The following FSTL5 variants were observed in gnomAD, a reference collection of about 807,000 sequenced individuals.
FSTL5 encodes the protein follistatin like 5, also known as follistatin-related protein 5.
In FSTL5, 62 loss-of-function variants were observed where a neutral mutation model predicts 89.1. The ratio of observed to expected loss-of-function variants is 0.70; its 90% confidence interval spans 0.57 to 0.86. FSTL5 has a LOEUF of 0.86. Ranked by LOEUF, FSTL5 falls within the 40% of genes least tolerant of loss-of-function variation. The probability of loss-of-function intolerance (pLI) is 0.00; values close to 1 mark genes in which losing one functional copy is unlikely to be tolerated. For synonymous variants in FSTL5, 383 were observed against 346.2 expected (o/e 1.11, Z -1.18); for missense variants, 1,057 against 1,001.6 (o/e 1.06, Z -0.75).
intron 15 of FSTL5, among the ~76,000 whole-genome samples, chr4:161,432,779 A>G (rs1645552374): frequency 6.6e-6 from 1 of 152,018 alleles, no homozygotes; most frequent in South Asian, 2.1e-4. Flanking sequence ...AATTCAAAGG[A>G]TCATTGGGGG....
chr4:162,145,591 G>C (rs2111495795), intron 1 of FSTL5, among the ~76,000 whole-genome samples: 1 of 152,126 alleles, frequency 6.6e-6, no homozygotes, highest in Non-Finnish European at 1.5e-5. Flanking sequence ...ATGGACATGA[G>C]GATATTCCAT....
At chr4:161,769,400 C>G (rs13118379) in intron 5 of FSTL5, among the ~76,000 whole-genome samples, 17 of 151,876 alleles carry the variant, frequency 1.1e-4, no homozygotes, top group Non-Finnish European at 2.2e-4. Context: ...AAACTATAGG[C>G]CAATATTCCT....
chr4:161,439,731 C>A (rs1346333172), intron 15 of FSTL5, among the ~76,000 whole-genome samples: 1 of 151,866 alleles, frequency 6.6e-6, no homozygotes, highest in Non-Finnish European at 1.5e-5. Context: ...CACACACACA[C>A]ACCCCACACG....
At chr4:162,030,062 C>T (rs1737460603) in intron 3 of FSTL5, among the ~76,000 whole-genome samples, 1 of 151,952 alleles carries the variant, frequency 6.6e-6, no homozygotes, top group Non-Finnish European at 1.5e-5. Context: ...CCACGCCTGG[C>T]TAATTTTTTA....
At chr4:161,475,483 G>T (rs958587443) in intron 13 of FSTL5, among the ~76,000 whole-genome samples, 2 of 151,922 alleles carry the variant, frequency 1.3e-5, no homozygotes, top group Admixed American at 6.6e-5. Flanking sequence ...TAATTCAATT[G>T]TCCTATCTTC....
chr4:161,593,027 A>G (rs990367046), intron 7 of FSTL5, among the ~76,000 whole-genome samples: 6 of 152,070 alleles, frequency 3.9e-5, no homozygotes, highest in Admixed American at 1.3e-4. Context: ...ACCTTCTAAG[A>G]GTTTTTTGTT....
At chr4:162,152,189 G>A (rs1733249751) in intron 1 of FSTL5, among the ~76,000 whole-genome samples, 1 of 152,084 alleles carries the variant, frequency 6.6e-6, no homozygotes, top group Non-Finnish European at 1.5e-5. Context: ...AGTTGCAGAG[G>A]GTATTAATTT....
At chr4:161,798,192 T>A (rs1729691119) in intron 4 of FSTL5, among the ~76,000 whole-genome samples, 1 of 151,738 alleles carries the variant, frequency 6.6e-6, no homozygotes, top group Non-Finnish European at 1.5e-5. Flanking sequence ...GAGCTAGAAT[T>A]TGAATTTAGG....
intron 2 of FSTL5, among the ~76,000 whole-genome samples, chr4:162,087,863 C>T (rs1245574953): frequency 6.6e-6 from 1 of 152,082 alleles, no homozygotes; most frequent in Non-Finnish European, 1.5e-5. Context: ...CAATGAGATA[C>T]ATTCAGTTGA....
At chr4:162,163,292 TA>T (rs1416465678) in intron 1 of FSTL5, among the ~76,000 whole-genome samples, 1 of 152,008 alleles carries the variant, frequency 6.6e-6, no homozygotes, top group East Asian at 1.9e-4. Flanking sequence ...GAATGGTTCC[TA>T]TCCTTTGAAC....
chr4:162,003,402 T>C (rs1312031018), intron 3 of FSTL5, among the ~76,000 whole-genome samples: 1 of 152,160 alleles, frequency 6.6e-6, no homozygotes, highest in Non-Finnish European at 1.5e-5. Context: ...CCTAGATTCC[T>C]GGCTTTGAAG....
intron 15 of FSTL5, among the ~76,000 whole-genome samples, chr4:161,403,933 A>T (rs996081545): frequency 6.6e-6 from 1 of 152,188 alleles, no homozygotes; most frequent in Non-Finnish European, 1.5e-5. Flanking sequence ...CTAATTAAGC[A>T]TGTTAAGTGA....
intron 12 of FSTL5, among the ~76,000 whole-genome samples, chr4:161,483,677 A>G (rs1281554692): frequency 2.0e-5 from 3 of 152,146 alleles, no homozygotes; most frequent in Admixed American, 6.6e-5. Flanking sequence ...TCTCAGATTA[A>G]CATTGATTTC....
At chr4:161,967,775 T>C (rs1292741957) in intron 3 of FSTL5, among the ~76,000 whole-genome samples, 2 of 152,014 alleles carry the variant, frequency 1.3e-5, no homozygotes, top group African/African-American at 4.8e-5. Context: ...GTATTATTTA[T>C]TTAAAATAAA....
intron 8 of FSTL5, among the ~76,000 whole-genome samples, chr4:161,587,069 G>A (rs1733639631): frequency 6.6e-6 from 1 of 151,958 alleles, no homozygotes; most frequent in South Asian, 2.1e-4. Context: ...TATAAAACTT[G>A]CTATACATGA....
intron 3 of FSTL5, among the ~76,000 whole-genome samples, chr4:162,018,527 T>C (rs138429330): frequency 1.2e-3 from 152 of 129,780 alleles, no homozygotes; most frequent in African/African-American, 4.2e-3. Flanking sequence ...AGATGCTTAC[T>C]GGTAATATTA....
At chr4:161,866,487 T>C (rs560503123) in intron 4 of FSTL5, among the ~76,000 whole-genome samples, 1 of 150,108 alleles carries the variant, frequency 6.7e-6, no homozygotes, top group Non-Finnish European at 1.5e-5. Flanking sequence ...TGTGTGTGTG[T>C]GTGTGTGTGT....
chr4:161,404,370 T>C (rs1731285461), intron 15 of FSTL5, among the ~76,000 whole-genome samples: 1 of 152,074 alleles, frequency 6.6e-6, no homozygotes, highest in Admixed American at 6.6e-5. Flanking sequence ...ATAGTGGAGA[T>C]CCCAGATAAA....
At chr4:162,110,862 G>A (rs953476635) in intron 2 of FSTL5, among the ~76,000 whole-genome samples, 1 of 151,842 alleles carries the variant, frequency 6.6e-6, no homozygotes, top group East Asian at 1.9e-4. Context: ...TGCAGACAGT[G>A]TAGATAATTT....
Sources: allele counts gnomAD v4.1 joint callset (sites outside exome capture counted in the v4.1 genomes callset), GRCh38; gene constraint gnomAD v4.1.1; transcripts MANE v1.5; gene names NCBI Gene and HGNC (gene_info 2026-07-23, HGNC 2026-07-21).